LIMCH1: variants seen among roughly 807,000 people sequenced by gnomAD.
LIMCH1 encodes the protein LIM and calponin homology domains-containing protein 1.
A neutral mutation model predicts 176.5 loss-of-function variants in LIMCH1; 113 were observed. The observed-to-expected ratio is 0.64, with a 90% CI of 0.55 to 0.75. The LOEUF (loss-of-function observed/expected upper bound fraction) is 0.75. Ranked by LOEUF, LIMCH1 falls within the 30% of genes least tolerant of loss-of-function variation. The probability of loss-of-function intolerance (pLI) is 0.00; values close to 1 mark genes in which losing one functional copy is unlikely to be tolerated. For missense variants in LIMCH1, 1,674 were observed against 1,814.9 expected (o/e 0.92, Z 1.41); for synonymous variants, 619 against 645.9 (o/e 0.96, Z 0.63).
At chr4:41,410,193 A>G (rs1179377843) in intron 1 of LIMCH1, among the ~76,000 whole-genome samples, 1 of 152,240 alleles carries the variant, frequency 6.6e-6, no homozygotes, top group Non-Finnish European at 1.5e-5. Flanking sequence ...ATGTATTTTC[A>G]TCGTACTGCC....
intron 2 of LIMCH1, among the ~76,000 whole-genome samples, chr4:41,500,519 C>T (rs2073080864): frequency 6.6e-6 from 1 of 152,164 alleles, no homozygotes; most frequent in South Asian, 2.1e-4. Context: ...TATAGAACAT[C>T]TAAGATTTTA....
chr4:41,590,058 T>G (rs2087223578), intron 1 of LIMCH1, among the ~76,000 whole-genome samples: 2 of 152,156 alleles, frequency 1.3e-5, no homozygotes, highest in Admixed American at 6.5e-5. Flanking sequence ...CCCTCTGGTT[T>G]AGCTCTCCCT....
intron 2 of LIMCH1, among the ~76,000 whole-genome samples, chr4:41,495,559 T>A (rs1338511218): frequency 6.6e-6 from 1 of 152,192 alleles, no homozygotes; most frequent in Non-Finnish European, 1.5e-5. Flanking sequence ...ACTTTCAGAA[T>A]ATTGCTTGGG....
intron 2 of LIMCH1, among the ~76,000 whole-genome samples, chr4:41,510,380 T>A (rs1466974549): frequency 1.3e-5 from 2 of 152,206 alleles, no homozygotes; most frequent in Non-Finnish European, 2.9e-5. Flanking sequence ...GGATTAGGCT[T>A]TGCTTAGATT....
intron 8 of LIMCH1, among the ~76,000 whole-genome samples, chr4:41,629,011 T>C (rs1404022136): frequency 6.6e-6 from 1 of 152,242 alleles, no homozygotes; most frequent in Non-Finnish European, 1.5e-5. Context: ...ATGTTTAATA[T>C]GTGAACAATG....
intron 1 of LIMCH1, among the ~76,000 whole-genome samples, chr4:41,433,962 A>T (rs2061830367): frequency 6.6e-6 from 1 of 152,142 alleles, no homozygotes; most frequent in African/African-American, 2.4e-5. Context: ...GGCGGAGGAG[A>T]GTTTTGTCCC....
chr4:41,379,473 A>G (rs985686995), intron 1 of LIMCH1, among the ~76,000 whole-genome samples: 1 of 152,208 alleles, frequency 6.6e-6, no homozygotes, highest in African/African-American at 2.4e-5. Context: ...CTGCCACTGT[A>G]TCAGCCACCA....
At chr4:41,384,281 TAC>T (rs1326182347) in intron 1 of LIMCH1, among the ~76,000 whole-genome samples, 1 of 151,634 alleles carries the variant, frequency 6.6e-6, no homozygotes, top group Non-Finnish European at 1.5e-5. Flanking sequence ...CTCGGCTCAC[TAC>T]AAGCTCCGTC....
chr4:41,680,850 C>T lies in LIMCH1; in HGVS notation c.3613-105C>T, dbSNP rs1715106388. Reference sequence around the variant, plus strand: ...GACTTTTTAAAATGCCCTGCTTGTTCGAACATATTCTGATTTTTTTCTAAA... The same window carrying T: ...GACTTTTTAAAATGCCCTGCTTGTTTGAACATATTCTGATTTTTTTCTAAA... On this transcript the variant is annotated intron_variant, in intron 24 of 31. Transcript: ENST00000503057. 14 of 595,104 alleles carry T rather than the reference C, an allele frequency of 2.4e-5. No individual in the cohort carries two copies. The South Asian group carries it at 2.4e-4, about 10-fold the overall frequency. The allele number at this position is 595,104 out of a possible 1,614,324, so 36.9% of individuals were successfully genotyped here.
intron 25 of LIMCH1, among the ~76,000 whole-genome samples, chr4:41,681,436 A>G (rs1349254204): frequency 1.3e-5 from 2 of 152,130 alleles, no homozygotes; most frequent in African/African-American, 4.8e-5. Context: ...CCTCTGCCAT[A>G]CTATACATTC....
chr4:41,598,416 C>A (rs1047526341), intron 1 of LIMCH1, among the ~76,000 whole-genome samples: 19 of 151,168 alleles, frequency 1.3e-4, no homozygotes, highest in African/African-American at 4.6e-4. Flanking sequence ...AGTGTATAAT[C>A]CACAAAGAGG....
At chr4:41,609,593 G>T in intron 4 of LIMCH1, 1 of 450,878 alleles carries the variant, frequency 2.2e-6, no homozygotes, top group Non-Finnish European at 4.4e-6. Flanking sequence ...CTCAGAAACT[G>T]TTAAGTCATC....
Position 41,646,064 on chromosome 4 carries a change from T to C in LIMCH1, c.2254-59T>C. 2.6e-6 allele frequency: 4 copies of C among 1,521,042 alleles called. No individual in the cohort carries two copies. The Middle Eastern group carries it at 5.4e-4, about 207-fold the overall frequency. 94.2% of individuals were successfully genotyped at this position (1,521,042 alleles called of 1,614,324 possible). ...GTAGAAATGACTAAACTCTGAAGAA[T>C]AGAAATGGAATTATGCACAAGTCTG... is the stretch of plus-strand genomic sequence containing the variant. On this transcript the variant is annotated intron_variant, in intron 15 of 31. Coordinates refer to ENST00000503057, the MANE Select transcript of LIMCH1 (RefSeq NM_001330672.2).
At chr4:41,435,386 C>A (rs1268733939) in intron 1 of LIMCH1, among the ~76,000 whole-genome samples, 2 of 152,180 alleles carry the variant, frequency 1.3e-5, no homozygotes, top group Non-Finnish European at 2.9e-5. Context: ...GTGCCGAAGC[C>A]TCCAGAAGGA....
intron 1 of LIMCH1, among the ~76,000 whole-genome samples, chr4:41,541,637 A>G (rs1479382900): frequency 3.9e-5 from 6 of 152,202 alleles, no homozygotes; most frequent in African/African-American, 1.4e-4. Flanking sequence ...ATAGAACAGG[A>G]TCATTTTTCA....
rs57603370 is a variant in LIMCH1 at position 41,381,639 on chromosome 4, G to A, written c.96+20703G>A. ...TAGAATGCAGCAGAAGTGATGAGGT[G>A]CCTGTTCCAAGCTTAGGCTGTAAGA... On this transcript the variant is annotated intron_variant, in intron 1 of 26. Transcript: ENST00000313860. Among the ~76,000 whole-genome samples, 626 of 152,248 alleles carry A rather than the reference G, an allele frequency of 4.1e-3. 6 individuals are homozygous for A. Among genetic ancestry groups the A allele is most frequent in the African/African-American group, 0.014 (590 of 41,548 alleles).
intron 10 of LIMCH1, among the ~76,000 whole-genome samples, chr4:41,632,195 A>G (rs912762647): frequency 2.0e-5 from 3 of 152,194 alleles, no homozygotes; most frequent in East Asian, 3.9e-4. Flanking sequence ...GGACATGTGT[A>G]AAACCGGATT....
At chr4:41,407,298 G>T (rs1369071464) in intron 1 of LIMCH1, among the ~76,000 whole-genome samples, 5 of 152,146 alleles carry the variant, frequency 3.3e-5, no homozygotes, top group African/African-American at 4.8e-5. Flanking sequence ...GTGCAATCAT[G>T]GCTCACTGCA....
rs557475913 is a variant in LIMCH1, at chr4:41,661,794, T to C, written c.3127+284T>C. Reference sequence around the variant, plus strand: ...TCATAAAGAATATTGTGTTCTTCCATATAAATCATGCTAAAAATTGAGGGT... The same window carrying C: ...TCATAAAGAATATTGTGTTCTTCCACATAAATCATGCTAAAAATTGAGGGT... On this transcript the variant is annotated intron_variant, in intron 19 of 31. Coordinates refer to ENST00000503057, the MANE Select transcript of LIMCH1 (RefSeq NM_001330672.2). The C allele has an allele frequency of 1.2e-5, 5 of 404,376 alleles. No homozygotes were observed. In the South Asian group the frequency reaches 1.4e-4, roughly 11 times the overall value. The allele number at this position is 404,376 out of a possible 1,614,324, so 25.0% of individuals were successfully genotyped here.
Sources: allele counts gnomAD v4.1 joint callset (sites outside exome capture counted in the v4.1 genomes callset), GRCh38; gene constraint gnomAD v4.1.1; transcripts MANE v1.5; gene names NCBI Gene and HGNC (gene_info 2026-07-23, HGNC 2026-07-21).